PCDHAC2: variants seen among roughly 807,000 people sequenced by gnomAD.
PCDHAC2 encodes the protein protocadherin alpha subfamily C, 2, also known as protocadherin alpha-C2.
Under a neutral mutation model 63.3 loss-of-function variants are expected in PCDHAC2, and 24 were observed. That is an observed-to-expected ratio of 0.38 (90% CI 0.27 to 0.53). The LOEUF (loss-of-function observed/expected upper bound fraction) is 0.53, where lower values mean the gene tolerates loss of function less well. Among genes scored for constraint, PCDHAC2 ranks in the 20% least tolerant of loss-of-function variants. PCDHAC2 has a pLI of 0.81. For missense variants in PCDHAC2, 1,181 were observed against 1,275.2 expected, an observed-to-expected ratio of 0.93 and a Z score of 1.12; for synonymous variants, 569 against 529.4, an observed-to-expected ratio of 1.07 and a Z score of -1.03.
intron 3 of PCDHAC2, among the ~76,000 whole-genome samples, chr5:141,000,417 A>AT (rs1563652061): frequency 7.5e-4 from 58 of 77,708 alleles, no homozygotes; most frequent in African/African-American, 1.3e-3. Context: ...ATATATATAT[A>AT]TATATTTTTT....
intron 3 of PCDHAC2, among the ~76,000 whole-genome samples, chr5:141,007,967 G>A (rs1191510244): frequency 6.6e-6 from 1 of 152,176 alleles, no homozygotes; most frequent in Admixed American, 6.5e-5. Flanking sequence ...TTCTCTGGGT[G>A]TCTGTCATGT....
chr5:140,999,459 T>C (rs2097858774), intron 3 of PCDHAC2, among the ~76,000 whole-genome samples: 1 of 152,138 alleles, frequency 6.6e-6, no homozygotes, highest in Non-Finnish European at 1.5e-5. Flanking sequence ...AACGAATAAG[T>C]GGTGAAGCAG....
chr5:140,980,252 A>C (rs993133768), intron 2 of PCDHAC2, among the ~76,000 whole-genome samples: 6 of 152,188 alleles, frequency 3.9e-5, no homozygotes, highest in African/African-American at 1.4e-4. Context: ...CAATGGGTAA[A>C]AGCATGGTTT....
chr5:140,996,410 G>A (rs1195533511), intron 3 of PCDHAC2, among the ~76,000 whole-genome samples: 2 of 152,222 alleles, frequency 1.3e-5, no homozygotes, highest in African/African-American at 2.4e-5. Flanking sequence ...GGTGGGGCAG[G>A]CAGTGTGAAA....
rs1554229656 is a variant in PCDHAC2, at chr5:140,967,539, A to G, written c.773A>G (p.Asp258Gly). The G allele has an allele frequency of 1.2e-6, 2 of 1,613,730 alleles. No individual in the cohort carries two copies. The highest frequency in any genetic ancestry group is 1.3e-5 in the African/African-American group (1 of 75,022). ...ACTAACGACAACTCTCCTGCCTTTG[A>G]CCAGTCCACTTATCGCGTCCAGCTA... is the stretch of plus-strand genomic sequence containing the variant. ...LDTNDNSPAF[D>G]QSTYRVQLRE... The change falls in exon 1 of 4, where the codon GAC (aspartate) becomes GGC (glycine). Residue 258 changes from aspartate to glycine, a missense_variant. Asp to Gly is a moderately conservative substitution (Grantham distance 94). Around this residue, in one of 3 missense-constraint regions of PCDHAC2, gnomAD observed 968 missense variants for 1,073.5 expected, o/e 0.90. Coordinates refer to ENST00000289269, the MANE Select transcript of PCDHAC2 (RefSeq NM_018899.6).
At position 140,967,014 on chromosome 5, in the gene PCDHAC2, G is replaced by T; in HGVS notation, c.248G>T (p.Gly83Val). The T allele has an allele frequency of 6.2e-7, 1 of 1,606,958 alleles. No individual in the cohort carries two copies. Among genetic ancestry groups the T allele is most frequent in the Non-Finnish European group, 8.5e-7 (1 of 1,177,722 alleles). Residue 83 changes from glycine (G) to valine (V), a missense_variant, in exon 1 of 4, where the codon GGT becomes GTT. Gly to Val is a moderately radical substitution (Grantham distance 109). This residue lies in a region of PCDHAC2 where 210 missense variants were observed against 184.9 expected (regional missense o/e 1.14). Coordinates refer to ENST00000289269, the MANE Select transcript of PCDHAC2 (RefSeq NM_018899.6). ...GGTTGCTTGCGCATCAACCATCTGG[G>T]TGCGCCCAGTCCGCGCTACCTGGAG... ...GPGCLRINHL[G>V]APSPRYLELD...
chr5:141,001,943 A>G (rs1197227753), intron 3 of PCDHAC2, among the ~76,000 whole-genome samples: 1 of 147,256 alleles, frequency 6.8e-6, no homozygotes, highest in African/African-American at 2.7e-5. Flanking sequence ...GAGCGGAAAT[A>G]AGGAGGAGGG....
rs1554229007 is a variant in PCDHAC2 at position 140,966,972 on chromosome 5, T to G, written c.206T>G (p.Leu69Arg). The G allele has an allele frequency of 6.2e-7, 1 of 1,602,828 alleles. No homozygotes were observed. The highest frequency in any genetic ancestry group is 1.3e-5 in the African/African-American group (1 of 74,862). Residue 69 changes from leucine to arginine, a missense_variant, in exon 1 of 4, where the codon CTG (leucine) becomes CGG (arginine). Around this residue, in one of 3 missense-constraint regions of PCDHAC2, gnomAD observed 210 missense variants for 184.9 expected, o/e 1.14. Coordinates refer to ENST00000289269, the MANE Select transcript of PCDHAC2 (RefSeq NM_018899.6). ...GNVARALGLE[L>R]RRLGPGCLRI... ...GTGGCTCGCGCGCTGGGGCTTGAGC[T>G]GCGGCGCTTGGGGCCGGGTTGCTTG... is the stretch of plus-strand genomic sequence containing the variant.
chr5:141,009,594 C>G, intron 3 of PCDHAC2, 33 bp from the exon 4 acceptor site: 1 of 1,602,468 alleles, frequency 6.2e-7, no homozygotes, highest in Non-Finnish European at 8.5e-7. Context: ...ATGTGTTGAC[C>G]CTGTTAATGA....
At chr5:140,984,905 C>G (rs1214020745) in intron 3 of PCDHAC2, among the ~76,000 whole-genome samples, 1 of 152,004 alleles carries the variant, frequency 6.6e-6, no homozygotes, top group African/African-American at 2.4e-5. Context: ...AAAAAAAGAA[C>G]TGAGCATAGT....
Position 140,969,016 on chromosome 5 carries a change from A to C in PCDHAC2, c.2250A>C (p.Glu750Asp). Reference sequence around the variant, plus strand: ...GTGGAGGCTTCTGTGGAGTAAGGGAAAGGTCCCCTGCAGAACTGTACAAAC... The same window carrying C: ...GTGGAGGCTTCTGTGGAGTAAGGGACAGGTCCCCTGCAGAACTGTACAAAC... Reference protein sequence around the residue: ...ACCGGFCGVRERSPAELYKQA... With the variant: ...ACCGGFCGVRDRSPAELYKQA... The change falls in exon 1 of 4, where the codon GAA becomes GAC. Residue 750 changes from glutamate to aspartate, a missense_variant. Glu to Asp is a conservative substitution (Grantham distance 45). Coordinates refer to ENST00000289269, the MANE Select transcript of PCDHAC2 (RefSeq NM_018899.6). 6.2e-7 allele frequency: 1 copy of C among 1,614,172 alleles called. No homozygotes were observed. Among genetic ancestry groups the C allele is most frequent in the South Asian group, 1.1e-5 (1 of 91,072 alleles).
chr5:140,966,740 C>T lies in PCDHAC2; in HGVS notation c.-27C>T, dbSNP rs782420339. 10 of 1,422,580 alleles carry T rather than the reference C, an allele frequency of 7.0e-6. No individual in the cohort carries two copies. In the Admixed American group the frequency reaches 8.4e-5, roughly 12 times the overall value. 88.1% of individuals were successfully genotyped at this position (1,422,580 alleles called of 1,614,324 possible). ...GGAAGCTGCCGCCTCCGGCCCTGCC[C>T]GGCTGCCTCCGCCGCGGCCAGTGGC... On this transcript the variant is annotated 5_prime_UTR_variant, in exon 1 of 4. Transcript: ENST00000289269.
chr5:141,007,694 C>T (rs1466885866), intron 3 of PCDHAC2, among the ~76,000 whole-genome samples: 1 of 152,186 alleles, frequency 6.6e-6, no homozygotes, highest in Non-Finnish European at 1.5e-5. Context: ...CTTCCACCTC[C>T]CTCCTCTGCC....
At chr5:140,975,003 A>G (rs1170426656) in intron 1 of PCDHAC2, among the ~76,000 whole-genome samples, 3 of 152,152 alleles carry the variant, frequency 2.0e-5, no homozygotes, top group Non-Finnish European at 4.4e-5. Flanking sequence ...CAAGGCTGAA[A>G]TGAACACAGC....
At chr5:140,992,637 G>A (rs31872) in intron 3 of PCDHAC2, among the ~76,000 whole-genome samples, 103,738 of 151,942 alleles carry the variant, frequency 0.68, 36,576 homozygotes, top group African/African-American at 0.86. Flanking sequence ...AACTTCCCTG[G>A]AAAATAGAAG....
chr5:140,998,646 C>G (rs1413467899), intron 3 of PCDHAC2, among the ~76,000 whole-genome samples: 1 of 151,870 alleles, frequency 6.6e-6, no homozygotes, highest in Non-Finnish European at 1.5e-5. Flanking sequence ...CTCACTGCAA[C>G]CTCTGCCTCC....
Position 140,968,808 on chromosome 5 carries a change from TGGATAGGG to T in PCDHAC2, c.2043_2050del (p.Asp682PhefsTer6), listed in dbSNP as rs782488281. 2 of 1,614,204 alleles carry T rather than the reference TGGATAGGG, an allele frequency of 1.2e-6. No individual in the cohort carries two copies. Among genetic ancestry groups the T allele is most frequent in the Non-Finnish European group, 1.7e-6 (2 of 1,180,042 alleles). ...TCTGTGGCCATTACAGTAGCTGTGG[TGGATAGGG>T]TTTCCAAAATCCTCCCTGACACTCA... On this transcript the variant is annotated frameshift_variant, in exon 1 of 4. Coordinates refer to ENST00000289269, the MANE Select transcript of PCDHAC2 (RefSeq NM_018899.6). LOFTEE classifies it high-confidence loss of function.
At chr5:141,009,604 A>T (rs782247768) in intron 3 of PCDHAC2, 23 bp from the exon 4 acceptor site, 2 of 1,608,944 alleles carry the variant, frequency 1.2e-6, no homozygotes, top group East Asian at 4.5e-5. Context: ...CCTGTTAATG[A>T]TTTGTAATGT....
At chr5:140,998,940 A>G (rs2097841050) in intron 3 of PCDHAC2, among the ~76,000 whole-genome samples, 1 of 152,222 alleles carries the variant, frequency 6.6e-6, no homozygotes, top group African/African-American at 2.4e-5. Context: ...AGATGAAGAA[A>G]CTGTAAGTCA....
Sources: allele counts gnomAD v4.1 joint callset (sites outside exome capture counted in the v4.1 genomes callset), GRCh38; gene constraint gnomAD v4.1.1; regional missense constraint gnomAD v4.1.1; transcripts MANE v1.5; gene names NCBI Gene and HGNC (gene_info 2026-07-23, HGNC 2026-07-21).